The following KSR1 variants were observed in gnomAD, a reference collection of about 807,000 sequenced individuals.
The protein encoded by KSR1 is kinase suppressor of ras 1, also known as kinase suppressor of ras.
Under a neutral mutation model 92.9 loss-of-function variants are expected in KSR1, and 35 were observed. The observed-to-expected ratio is 0.38, with a 90% confidence interval of 0.29 to 0.50. The LOEUF (loss-of-function observed/expected upper bound fraction) is 0.50. Ranked by LOEUF, KSR1 falls within the 20% of genes least tolerant of loss-of-function variation. The pLI, the probability that KSR1 is intolerant of heterozygous loss-of-function variation, is 0.94. For synonymous variants in KSR1, 467 were observed against 472.6 expected (o/e 0.99, Z 0.15); for missense variants, 972 against 1,158.5 (o/e 0.84, Z 2.34).
intron 19 of KSR1, 163 bp downstream of exon 19, chr17:27,617,591 G>T: frequency 1.3e-6 from 1 of 754,528 alleles, no homozygotes. Flanking sequence ...GCAGTGGCAC[G>T]ATCTCAGCTC....
chr17:27,526,070 C>CTCTTTCTTTCTT (rs1555576389), intron 1 of KSR1, among the ~76,000 whole-genome samples: 1,250 of 81,314 alleles, frequency 0.015, 45 homozygotes, highest in East Asian at 0.11. Flanking sequence ...CTCTTTCTTT[C>CTCTTTCTTTCTT]TCTTTCTTTC....
chr17:27,609,655 A>G (rs1374541160), intron 16 of KSR1, among the ~76,000 whole-genome samples: 3 of 152,214 alleles, frequency 2.0e-5, no homozygotes, highest in Non-Finnish European at 4.4e-5. Context: ...GGATTGGCAT[A>G]GGGAGAAAGG....
At chr17:27,460,446 A>G (rs1257525897) in intron 1 of KSR1, among the ~76,000 whole-genome samples, 6 of 152,142 alleles carry the variant, frequency 3.9e-5, no homozygotes, top group Non-Finnish European at 7.4e-5. Flanking sequence ...CTCCTAAGCA[A>G]GCTGGCGTGG....
At chr17:27,506,632 G>A (rs1185605081) in intron 1 of KSR1, among the ~76,000 whole-genome samples, 1 of 152,054 alleles carries the variant, frequency 6.6e-6, no homozygotes, top group Non-Finnish European at 1.5e-5. Flanking sequence ...TGGTAACTTG[G>A]TGTTCTTGGG....
At chr17:27,603,247 C>T (rs1352486722) in intron 11 of KSR1, among the ~76,000 whole-genome samples, 3 of 152,250 alleles carry the variant, frequency 2.0e-5, no homozygotes, top group African/African-American at 4.8e-5. Flanking sequence ...GCGTTTCTTC[C>T]TCTCCCCTGA....
rs560372588 is a variant in KSR1 at position 27,582,803 on chromosome 17, C to A, written c.678C>A (p.Arg226=). 893 of 1,613,666 alleles carry A rather than the reference C, an allele frequency of 5.5e-4. 6 individuals are homozygous for A. The Admixed American group carries it at 0.014, about 26-fold the overall frequency. The change falls in exon 4 of 21, where the codon CGC becomes CGA. Residue 226 remains arginine, a synonymous_variant. Coordinates refer to ENST00000644974, the MANE Select transcript of KSR1 (RefSeq NM_001394583.1). ...GRAGNSAQGP[R]SISVSALPAS... Reference sequence around the variant, plus strand: ...CAGGCAACAGCGCCCAGGGCCCACGCTCCATCTCCGTGTCAGCTCTGCCCG... The same window carrying A: ...CAGGCAACAGCGCCCAGGGCCCACGATCCATCTCCGTGTCAGCTCTGCCCG...
At chr17:27,456,922 C>T (rs1432658921) in intron 1 of KSR1, 48 bp downstream of exon 1, 4 of 759,736 alleles carry the variant, frequency 5.3e-6, no homozygotes. Flanking sequence ...GGCCCGGACA[C>T]CTCCCTCCGG....
chr17:27,614,030 G>A (rs1240047614), intron 18 of KSR1, among the ~76,000 whole-genome samples: 1 of 152,206 alleles, frequency 6.6e-6, no homozygotes, highest in Non-Finnish European at 1.5e-5. Context: ...TCAAACTCCT[G>A]GCCTCAAGGG....
chr17:27,529,933 A>G (rs1033721706), intron 1 of KSR1, among the ~76,000 whole-genome samples: 1 of 152,196 alleles, frequency 6.6e-6, no homozygotes, highest in Non-Finnish European at 1.5e-5. Flanking sequence ...TCTTTAGGGT[A>G]GGAGATGGGT....
At chr17:27,501,294 T>TC (rs1555570865) in intron 1 of KSR1, among the ~76,000 whole-genome samples, 10 of 34,788 alleles carry the variant, frequency 2.9e-4, no homozygotes, top group South Asian at 8.9e-4. Context: ...CTTTTCTTCT[T>TC]TTTTTTTTTT....
intron 1 of KSR1, among the ~76,000 whole-genome samples, chr17:27,484,080 G>C (rs1483808662): frequency 6.6e-6 from 1 of 152,152 alleles, no homozygotes; most frequent in African/African-American, 2.4e-5. Flanking sequence ...GGCTGACTTG[G>C]GGTGTGAGAA....
chr17:27,506,065 G>T (rs947660294), intron 1 of KSR1, among the ~76,000 whole-genome samples: 22 of 152,158 alleles, frequency 1.4e-4, no homozygotes, highest in African/African-American at 3.9e-4. Flanking sequence ...ACTGGTTCAG[G>T]GCCCCCACCT....
At chr17:27,584,037 G>A (rs2072876592) in intron 4 of KSR1, 2 of 928,538 alleles carry the variant, frequency 2.2e-6, no homozygotes, top group African/African-American at 3.6e-5. Context: ...CTTCTTGATG[G>A]GCGTTAGATC....
At chr17:27,543,554 C>G (rs999328090) in intron 1 of KSR1, among the ~76,000 whole-genome samples, 3 of 152,168 alleles carry the variant, frequency 2.0e-5, no homozygotes, top group Non-Finnish European at 2.9e-5. Context: ...CAACCAGGCC[C>G]GTGCTCTCCA....
intron 1 of KSR1, among the ~76,000 whole-genome samples, chr17:27,510,924 T>C (rs1008554549): frequency 2.0e-5 from 3 of 152,190 alleles, no homozygotes; most frequent in African/African-American, 7.2e-5. Context: ...AGGAGCCATG[T>C]AGCATGTTCC....
chr17:27,501,292 C>CTTTTTTTTTTTTTT lies in KSR1; in HGVS notation c.231+44430_231+44443dup. Among the ~76,000 whole-genome samples the CTTTTTTTTTTTTTT allele has an allele frequency of 6.2e-4, 31 of 49,702 alleles. 1 individual carries two copies. Among genetic ancestry groups the CTTTTTTTTTTTTTT allele is most frequent in the East Asian group, 8.7e-4 (1 of 1,154 alleles). 32.6% of individuals were successfully genotyped at this position (49,702 alleles called of 152,430 possible). On this transcript the variant is annotated intron_variant, in intron 1 of 20. Coordinates refer to ENST00000644974, the MANE Select transcript of KSR1 (RefSeq NM_001394583.1). ...TTTTTTTTTTTTAATTTCTTTTCTT[C>CTTTTTTTTTTTTTT]TTTTTTTTTTTTTTTTTTTTTTTTT...
chr17:27,553,590 G>T (rs1190056214), intron 2 of KSR1, among the ~76,000 whole-genome samples: 2 of 152,342 alleles, frequency 1.3e-5, no homozygotes, highest in South Asian at 2.1e-4. Context: ...CCTGCTGGAG[G>T]TACCTGGGCC....
At chr17:27,600,434 T>G (rs941496750) in intron 10 of KSR1, among the ~76,000 whole-genome samples, 6 of 152,072 alleles carry the variant, frequency 3.9e-5, no homozygotes, top group Non-Finnish European at 7.4e-5. Flanking sequence ...AGCAGGACTC[T>G]GTCTCAAAAA....
intron 1 of KSR1, among the ~76,000 whole-genome samples, chr17:27,492,162 ACGAGTGGGTG>A (rs2068851395): frequency 6.6e-6 from 1 of 152,128 alleles, no homozygotes; most frequent in Non-Finnish European, 1.5e-5. Flanking sequence ...TGTAGCAGAT[ACGAGTGGGTG>A]GCTTCAAAAT....
Sources: allele counts gnomAD v4.1 joint callset (sites outside exome capture counted in the v4.1 genomes callset), GRCh38; gene constraint gnomAD v4.1.1; transcripts MANE v1.5; gene names NCBI Gene and HGNC (gene_info 2026-07-23, HGNC 2026-07-21).